The following PLCH1 variants were observed in gnomAD, a reference collection of about 807,000 sequenced individuals.
The protein encoded by PLCH1 is phospholipase C eta 1.
A neutral mutation model predicts 126.7 loss-of-function variants in PLCH1; 60 were observed. The observed-to-expected ratio is 0.47, with a 90% CI of 0.38 to 0.59. The LOEUF (loss-of-function observed/expected upper bound fraction) is 0.59. PLCH1 is among the 20% of genes least tolerant of loss of function. The pLI is 0.00. For synonymous variants in PLCH1, 719 were observed against 734.9 expected (o/e 0.98, Z 0.35); for missense variants, 1,723 against 2,040.0 (o/e 0.84, Z 2.99).
At chr3:155,456,599 G>T (rs1468561605) in intron 21 of PLCH1, 1 of 152,304 alleles carries the variant, frequency 6.6e-6, no homozygotes, top group Non-Finnish European at 1.5e-5. Flanking sequence ...ATCTCCAAAA[G>T]GAGGTCTAAT....
intron 2 of PLCH1, among the ~76,000 whole-genome samples, chr3:155,680,177 G>A (rs1384131280): frequency 6.6e-6 from 1 of 152,234 alleles, no homozygotes; most frequent in East Asian, 1.9e-4. Flanking sequence ...AAGGTCAGGA[G>A]TTTGAGACCA....
chr3:155,636,309 TTGTTGTTGC>T (rs1461494916), intron 2 of PLCH1, among the ~76,000 whole-genome samples: 3 of 152,166 alleles, frequency 2.0e-5, no homozygotes, highest in Non-Finnish European at 4.4e-5. Flanking sequence ...CAATGTTTTG[TTGTTGTTGC>T]TGTTGTTGTT....
rs566628379 is a variant in PLCH1, at chr3:155,615,068, G to T, written c.80-18690C>A. Among the ~76,000 whole-genome samples the T allele has an allele frequency of 2.2e-3, 340 of 151,936 alleles. 1 individual carries two copies. The highest frequency in any genetic ancestry group is 3.9e-3 in the Non-Finnish European group (266 of 67,950). ...AGGACTAATATCCAGAATCTACAAG[G>T]AATTCAAACAAATCAGCAAGAAAAA... is the stretch of plus-strand genomic sequence containing the variant. On this transcript the variant is annotated intron_variant, in intron 2 of 22. Transcript: ENST00000460012.
chr3:155,601,636 G>A (rs1488096760), intron 2 of PLCH1, among the ~76,000 whole-genome samples: 1 of 152,076 alleles, frequency 6.6e-6, no homozygotes, highest in Admixed American at 6.6e-5. Flanking sequence ...TTCCAATTAT[G>A]TTTGAATCAG....
chr3:155,556,754 T>C (rs139496762), intron 8 of PLCH1, among the ~76,000 whole-genome samples: 3 of 152,358 alleles, frequency 2.0e-5, no homozygotes, highest in African/African-American at 7.2e-5. Flanking sequence ...TTCTCAACAC[T>C]GCAACACAGA....
chr3:155,728,205 G>A (rs1299314042), intron 1 of PLCH1, among the ~76,000 whole-genome samples: 5 of 152,164 alleles, frequency 3.3e-5, no homozygotes, highest in East Asian at 1.9e-4. Context: ...AGCGGGGGGC[G>A]AGGGTGTGTT....
intron 11 of PLCH1, among the ~76,000 whole-genome samples, chr3:155,517,607 C>A (rs192640079): frequency 9.9e-5 from 15 of 152,254 alleles, no homozygotes; most frequent in Non-Finnish European, 5.9e-5. Flanking sequence ...TGTGTCTTCT[C>A]TTCTTATGAG....
At chr3:155,573,876 C>G (rs1009182145) in intron 6 of PLCH1, among the ~76,000 whole-genome samples, 5 of 152,026 alleles carry the variant, frequency 3.3e-5, no homozygotes, top group African/African-American at 1.2e-4. Flanking sequence ...CCATATAGTA[C>G]CCACACTCAG....
intron 2 of PLCH1, among the ~76,000 whole-genome samples, chr3:155,600,613 A>AG (rs1297888857): frequency 5.9e-4 from 87 of 146,388 alleles, no homozygotes; most frequent in Non-Finnish European, 1.0e-3. Context: ...AAAAAAAAAA[A>AG]AAAAAAAGTT....
At chr3:155,636,582 AC>A (rs1738748774) in intron 2 of PLCH1, among the ~76,000 whole-genome samples, 1 of 152,004 alleles carries the variant, frequency 6.6e-6, no homozygotes, top group Admixed American at 6.6e-5. Flanking sequence ...CCCCGTTTCT[AC>A]TAAAAATACA....
At chr3:155,655,787 G>T (rs372151437) in intron 2 of PLCH1, among the ~76,000 whole-genome samples, 1 of 151,868 alleles carries the variant, frequency 6.6e-6, no homozygotes, top group Non-Finnish European at 1.5e-5. Flanking sequence ...AAAAGAAAGG[G>T]TCCCACCCAA....
chr3:155,506,405 G>T (rs1406805092), intron 12 of PLCH1, among the ~76,000 whole-genome samples: 1 of 149,058 alleles, frequency 6.7e-6, no homozygotes, highest in Non-Finnish European at 1.5e-5. Flanking sequence ...ACATTGTGCA[G>T]GTTAGTTACA....
intron 2 of PLCH1, among the ~76,000 whole-genome samples, chr3:155,677,102 C>G (rs759538625): frequency 2.0e-5 from 3 of 152,214 alleles, no homozygotes; most frequent in Non-Finnish European, 4.4e-5. Flanking sequence ...TATTAACTCT[C>G]TCATTCCAGC....
intron 13 of PLCH1, among the ~76,000 whole-genome samples, chr3:155,504,034 G>A (rs2108162372): frequency 6.6e-6 from 1 of 152,298 alleles, no homozygotes; most frequent in South Asian, 2.1e-4. Context: ...ACCTGTTGTG[G>A]CGGGCATATA....
At chr3:155,680,347 C>A (rs1339558830) in intron 2 of PLCH1, among the ~76,000 whole-genome samples, 4 of 152,070 alleles carry the variant, frequency 2.6e-5, no homozygotes, top group Non-Finnish European at 4.4e-5. Flanking sequence ...CATGCCACTG[C>A]ACTCCAGCCT....
intron 21 of PLCH1, among the ~76,000 whole-genome samples, chr3:155,453,566 C>T (rs764351528): frequency 1.8e-4 from 28 of 151,974 alleles, no homozygotes; most frequent in South Asian, 6.2e-4. Context: ...TAAAATACAA[C>T]GCAAAATGAC....
Position 155,482,592 on chromosome 3 carries a change from AAAG to A in PLCH1, c.3431_3433del (p.Ser1144del), listed in dbSNP as rs778573417. 2 of 1,614,236 alleles carry A rather than the reference AAAG, an allele frequency of 1.2e-6. No individual in the cohort carries two copies. On this transcript the variant is annotated inframe_deletion, in exon 23 of 23. Transcript: ENST00000460012. The stretch of plus-strand genomic sequence containing the variant: ...AGAACAGAGCATGGAGACGTCTGAC[AAAG>A]AAAAGGATGTTGCAGCTCGGCCCTT...
intron 2 of PLCH1, among the ~76,000 whole-genome samples, chr3:155,615,932 A>T (rs978499951): frequency 6.6e-6 from 1 of 152,164 alleles, no homozygotes; most frequent in African/African-American, 2.4e-5. Flanking sequence ...AAAATTAGAC[A>T]TTTGGTCTAA....
intron 21 of PLCH1, 93 bp from the exon 22 acceptor site, chr3:155,485,803 A>G: frequency 2.7e-6 from 2 of 751,258 alleles, no homozygotes; most frequent in Non-Finnish European, 4.3e-6. Flanking sequence ...AAATGAATAT[A>G]AACCAAAATC....
Sources: allele counts gnomAD v4.1 joint callset (sites outside exome capture counted in the v4.1 genomes callset), GRCh38; gene constraint gnomAD v4.1.1; transcripts MANE v1.5; gene names NCBI Gene and HGNC (gene_info 2026-07-23, HGNC 2026-07-21).